PPP2R2D: variants seen among roughly 807,000 people sequenced by gnomAD.
PPP2R2D encodes serine/threonine-protein phosphatase 2A 55 kDa regulatory subunit B delta isoform.
PPP2R2D carries 9 observed loss-of-function variants against 31.1 expected under a neutral mutation model. That is an observed-to-expected ratio of 0.29 (90% CI 0.17 to 0.51). The LOEUF is 0.51. Ranked by LOEUF, PPP2R2D falls within the 20% of genes least tolerant of loss-of-function variation. The pLI, the probability that PPP2R2D is intolerant of heterozygous loss-of-function variation, is 0.98. For missense variants in PPP2R2D, 391 were observed against 465.6 expected (o/e 0.84, Z 1.48); for synonymous variants, 179 against 172.6 (o/e 1.04, Z -0.29).
rs376829710 is a variant in PPP2R2D at position 131,955,702 on chromosome 10, C to T, written c.1101C>T (p.Ser367=). 2.4e-4 allele frequency: 352 copies of T among 1,469,572 alleles called. No individual in the cohort carries two copies. The highest frequency in any genetic ancestry group is 3.0e-4 in the Non-Finnish European group (328 of 1,103,304). The allele number at this position is 1,469,572 out of a possible 1,614,324, so 91.0% of individuals were successfully genotyped here. The change falls in exon 9 of 9, where the codon TCC becomes TCT. Residue 367 remains serine, a synonymous_variant. Coordinates refer to ENST00000455566, the MANE Select transcript of PPP2R2D (RefSeq NM_018461.5). ...NGSDSAIMTG[S]YNNFFRMFDR... ...TGAACAGCGCCATCATGACCGGGTCCTATAACAACTTCTTCAGGATGTTTG... is the reference window on the plus strand; with the variant it reads ...TGAACAGCGCCATCATGACCGGGTCTTATAACAACTTCTTCAGGATGTTTG...
chr10:131,921,025 C>T (rs1399480216), intron 2 of PPP2R2D, among the ~76,000 whole-genome samples: 2 of 152,184 alleles, frequency 1.3e-5, no homozygotes, highest in Non-Finnish European at 2.9e-5. Context: ...GGGAGAGAAA[C>T]ATTAGCAGCT....
chr10:131,916,330 A>AT (rs34461938), intron 2 of PPP2R2D, among the ~76,000 whole-genome samples: 57,729 of 143,364 alleles, frequency 0.4, 11,712 homozygotes, highest in East Asian at 0.51. Flanking sequence ...ATAGATTGGG[A>AT]TTTTTTTTTT....
chr10:131,953,981 G>T (rs1187000719), intron 8 of PPP2R2D, among the ~76,000 whole-genome samples: 1 of 152,172 alleles, frequency 6.6e-6, no homozygotes, highest in Non-Finnish European at 1.5e-5. Flanking sequence ...TCTGTTGAGG[G>T]ATGCGATGAA....
rs951098585 is a variant in PPP2R2D, at chr10:131,913,511, A to G, written c.100+12181A>G. On this transcript the variant is annotated intron_variant, in intron 2 of 8. Coordinates refer to ENST00000455566, the MANE Select transcript of PPP2R2D (RefSeq NM_018461.5). ...CTGTTGCTACTCTGGAAATGAAGAAAAAGGGCTGAGATCCATGTTTGGGTC... is the reference window on the plus strand; with the variant it reads ...CTGTTGCTACTCTGGAAATGAAGAAGAAGGGCTGAGATCCATGTTTGGGTC... 9.2e-5 allele frequency among the ~76,000 whole-genome samples: 14 copies of G among 152,300 alleles called. 2 individuals are homozygous for G. The South Asian group carries it at 2.9e-3, about 32-fold the overall frequency.
chr10:131,947,509 AC>A lies in PPP2R2D; in HGVS notation c.821-20del. 2 of 1,606,204 alleles carry A rather than the reference AC, an allele frequency of 1.2e-6. No homozygotes were observed. The highest frequency in any genetic ancestry group is 1.7e-6 in the Non-Finnish European group (2 of 1,175,522). On this transcript the variant is annotated intron_variant, in intron 7 of 8. Coordinates refer to ENST00000455566, the MANE Select transcript of PPP2R2D (RefSeq NM_018461.5). The surrounding 1 kb of genome is among the most constrained non-coding windows in gnomAD (Gnocchi z 4.3). ...TCTGATTTTTAAACAGAAGCTGAAAACATTTTATTTTGTTTTTCAGTTTTTG... is the reference window on the plus strand; with the variant it reads ...TCTGATTTTTAAACAGAAGCTGAAAAATTTTATTTTGTTTTTCAGTTTTTG...
chr10:131,917,228 G>A (rs376330797), intron 2 of PPP2R2D, among the ~76,000 whole-genome samples: 1 of 106,368 alleles, frequency 9.4e-6, no homozygotes. Flanking sequence ...AGGGACCTCA[G>A]GCGGGTGGAA....
chr10:131,953,363 T>C, intron 8 of PPP2R2D, among the ~76,000 whole-genome samples: 1 of 81,488 alleles, frequency 1.2e-5, no homozygotes, highest in Non-Finnish European at 2.2e-5. Context: ...GTGCGGGGGG[T>C]TCACTTAGCA....
At chr10:131,962,626 G>C (rs1280762566), downstream of PPP2R2D, among the ~76,000 whole-genome samples, 1 of 152,200 alleles carries the variant, frequency 6.6e-6, no homozygotes, top group African/African-American at 2.4e-5. Context: ...GTCCCTTGCA[G>C]ATTTGCAGGG....
intron 2 of PPP2R2D, among the ~76,000 whole-genome samples, chr10:131,904,973 C>T (rs960685832): frequency 2.9e-5 from 4 of 136,974 alleles, no homozygotes; most frequent in South Asian, 2.4e-4. Flanking sequence ...AAATTTGATG[C>T]GCACCCCACC....
chr10:131,901,275 C>T lies in PPP2R2D; in HGVS notation c.45C>T (p.Asp15=), dbSNP rs1165918832. Residue 15 remains aspartate (D), a synonymous_variant, in exon 2 of 9, where the codon GAC becomes GAT. Coordinates refer to ENST00000455566, the MANE Select transcript of PPP2R2D (RefSeq NM_018461.5). ...GCGGCTGCCCCGCGGGCGGCAACGA[C>T]TTCCAGTGGTGCTTCTCGCAGGTCA... ...GGGGCPAGGN[D]FQWCFSQVKG... 11 of 360,008 alleles carry T rather than the reference C, an allele frequency of 3.1e-5. No individual in the cohort carries two copies. Among genetic ancestry groups the T allele is most frequent in the African/African-American group, 2.3e-4 (11 of 46,820 alleles). The allele number at this position is 360,008 out of a possible 1,614,324, so 22.3% of individuals were successfully genotyped here.
chr10:131,916,419 G>A (rs2035781722), intron 2 of PPP2R2D, among the ~76,000 whole-genome samples: 1 of 151,376 alleles, frequency 6.6e-6, no homozygotes, highest in Admixed American at 6.6e-5. Flanking sequence ...CCGTTCATAA[G>A]TGTACAGTTG....
At chr10:131,960,171 A>C (rs1214951868), downstream of PPP2R2D, among the ~76,000 whole-genome samples, 3 of 152,272 alleles carry the variant, frequency 2.0e-5, no homozygotes, top group African/African-American at 7.2e-5. Flanking sequence ...CGCAAAAAGC[A>C]GGATCCATTC....
chr10:131,941,398 G>T (rs539450878), intron 5 of PPP2R2D, among the ~76,000 whole-genome samples: 1 of 152,138 alleles, frequency 6.6e-6, no homozygotes, highest in African/African-American at 2.4e-5. Flanking sequence ...AAGGGTGTCC[G>T]GCAAACTGGG....
intron 2 of PPP2R2D, among the ~76,000 whole-genome samples, chr10:131,905,407 C>T (rs2035566090): frequency 6.6e-6 from 1 of 152,182 alleles, no homozygotes; most frequent in Admixed American, 6.5e-5. Context: ...GCTCCCTCTC[C>T]TGGAACGTAC....
At chr10:131,911,042 A>G (rs1175347371) in intron 2 of PPP2R2D, among the ~76,000 whole-genome samples, 2 of 152,128 alleles carry the variant, frequency 1.3e-5, no homozygotes, top group East Asian at 3.8e-4. Flanking sequence ...CCGCTAAACT[A>G]AAGTGTTTCC....
intron 2 of PPP2R2D, among the ~76,000 whole-genome samples, chr10:131,916,170 G>A (rs1444090004): frequency 2.0e-5 from 3 of 152,140 alleles, no homozygotes; most frequent in East Asian, 1.9e-4. Flanking sequence ...GATAACCTCC[G>A]TGTTCCCCGC....
rs978309009 is a variant in PPP2R2D at position 131,907,516 on chromosome 10, G to A, written c.100+6186G>A. On this transcript the variant is annotated intron_variant, in intron 2 of 8. Coordinates refer to ENST00000455566, the MANE Select transcript of PPP2R2D (RefSeq NM_018461.5). Reference sequence around the variant, plus strand: ...AGCACTTTGGGAGGCCGAGGCGGGCGGATCACGAGGTCAGGAGATCGAGAC... The same window carrying A: ...AGCACTTTGGGAGGCCGAGGCGGGCAGATCACGAGGTCAGGAGATCGAGAC... Among the ~76,000 whole-genome samples, 9 of 152,160 alleles carry A rather than the reference G, an allele frequency of 5.9e-5. No homozygotes were observed. In the South Asian group the frequency reaches 1.2e-3, roughly 21 times the overall value.
intron 5 of PPP2R2D, chr10:131,940,987 T>C (rs1338504902): frequency 1.0e-5 from 3 of 288,642 alleles, no homozygotes; most frequent in African/African-American, 2.2e-5. Flanking sequence ...ACCACCCTTC[T>C]CTCAGAAGGT....
At chr10:131,948,410 G>T (rs2036580500) in intron 8 of PPP2R2D, among the ~76,000 whole-genome samples, 1 of 152,140 alleles carries the variant, frequency 6.6e-6, no homozygotes, top group South Asian at 2.1e-4. Flanking sequence ...TTTTTATATA[G>T]AATTTTTGTT....
Sources: gnomAD v4.1 joint callset for allele counts (sites outside exome capture counted in the v4.1 genomes callset) on GRCh38, gnomAD v4.1.1 for gene constraint, Gnocchi (gnomAD v3.1) non-coding constraint, MANE v1.5 for transcripts, NCBI Gene and HGNC (gene_info 2026-07-23, HGNC 2026-07-21) for gene names.